Variants in NSD2 observed in about 807,000 individuals in gnomAD.
NSD2 encodes histone-lysine N-methyltransferase NSD2.
A neutral mutation model predicts 139.0 loss-of-function variants in NSD2; 12 were observed. The observed-to-expected ratio is 0.09, with a 90% CI of 0.06 to 0.14. The LOEUF is 0.14. Ranked by LOEUF, NSD2 falls within the 10% of genes least tolerant of loss-of-function variation. The probability of loss-of-function intolerance (pLI) is 1.00; values close to 1 mark genes in which losing one functional copy is unlikely to be tolerated. For missense variants in NSD2, 1,155 were observed against 1,745.0 expected (o/e 0.66, Z 6.02); for synonymous variants, 669 against 648.7 (o/e 1.03, Z -0.48).
chr4:1,951,306 TC>T, intron 10 of NSD2, 103 bp downstream of exon 10: 1 of 1,487,280 alleles, frequency 6.7e-7, no homozygotes, highest in Non-Finnish European at 9.2e-7. Flanking sequence ...CCAGACCCCT[TC>T]CCCAATCTCA....
intron 1 of NSD2, among the ~76,000 whole-genome samples, chr4:1,878,525 G>A (rs879821184): frequency 1.3e-4 from 20 of 151,996 alleles, no homozygotes; most frequent in Non-Finnish European, 2.2e-4. Context: ...TGGGTCATCT[G>A]TGAAGGCAGG....
chr4:1,890,552 C>T lies in NSD2; in HGVS notation c.-29-10074C>T, dbSNP rs576373946. 4.0e-5 allele frequency among the ~76,000 whole-genome samples: 6 copies of T among 151,622 alleles called. No individual in the cohort carries two copies. In the South Asian group the frequency reaches 8.3e-4, roughly 21 times the overall value. On this transcript the variant is annotated intron_variant, in intron 1 of 21. Coordinates refer to ENST00000508803, the MANE Select transcript of NSD2 (RefSeq NM_001042424.3). ...TCCTGACCTCGTGATCCGCCCACCT[C>T]GGCCTCCCAAAGTGCTGGGATTACA...
intron 5 of NSD2, among the ~76,000 whole-genome samples, chr4:1,920,811 A>G (rs1367253562): frequency 3.3e-5 from 5 of 151,666 alleles, no homozygotes; most frequent in Admixed American, 3.3e-4. Flanking sequence ...AGGCAGGAGG[A>G]TTGCTTGAGC....
At chr4:1,951,313 TCTCACCGTCA>T in intron 10 of NSD2, 110 bp downstream of exon 10, 1 of 1,447,526 alleles carries the variant, frequency 6.9e-7, no homozygotes, top group Non-Finnish European at 9.4e-7. Flanking sequence ...CCTTCCCCAA[TCTCACCGTCA>T]CTCACTCATC....
chr4:1,955,418 G>C lies in NSD2; in HGVS notation c.2518+78G>C. ...ACATATCAAGGCAGGCTCATTCCTT[G>C]TCTGCGCTGTGTTCATTGATGTTGA... is the stretch of plus-strand genomic sequence containing the variant. On this transcript the variant is annotated intron_variant, in intron 13 of 21. Transcript: ENST00000508803. The surrounding 1 kb of genome is among the most constrained non-coding windows in gnomAD (Gnocchi z 4.7). 2 of 1,497,678 alleles carry C rather than the reference G, an allele frequency of 1.3e-6. No homozygotes were observed. Among genetic ancestry groups the C allele is most frequent in the Admixed American group, 4.2e-5 (2 of 48,094 alleles). 92.8% of individuals were successfully genotyped at this position (1,497,678 alleles called of 1,614,324 possible). A position where few individuals can be genotyped will look rare whatever the true frequency, so the allele number is the denominator to read the frequency against.
chr4:1,978,672 G>A lies in NSD2; in HGVS notation c.3861G>A (p.Val1287=), dbSNP rs1045116541. ...AATGTCCTTGGCATCATTGTGACGT[G>A]TGTGGCAAACCTTCGACTTCATTTT... The part of the protein sequence containing the change: ...KWECPWHHCD[V]CGKPSTSFCH... The change falls in exon 22 of 22, where the codon GTG becomes GTA. Residue 1287 remains valine (V), a synonymous_variant. Transcript: ENST00000508803. 3.1e-6 allele frequency: 5 copies of A among 1,613,568 alleles called. No individual in the cohort carries two copies. The highest frequency in any genetic ancestry group is 1.7e-5 in the Admixed American group (1 of 59,978).
chr4:1,930,587 G>A lies in NSD2; in HGVS notation c.1411-39G>A, dbSNP rs370570904. The A allele has an allele frequency of 3.7e-5, 58 of 1,556,872 alleles. 1 individual carries two copies. In the African/African-American group the frequency reaches 6.8e-4, roughly 18 times the overall value. The stretch of plus-strand genomic sequence containing the variant: ...CAAAACAAAACCCAATGAGTTTTAC[G>A]GATTTAACTTCTCATTGCACCTTCT... On this transcript the variant is annotated intron_variant, in intron 5 of 21. Transcript: ENST00000508803.
At chr4:1,906,118 T>C (rs749440424) in intron 3 of NSD2, among the ~76,000 whole-genome samples, 1 of 152,224 alleles carries the variant, frequency 6.6e-6, no homozygotes, top group Non-Finnish European at 1.5e-5. Context: ...GATTTCCTTT[T>C]TAGTGTCTGG....
chr4:1,970,026 C>A (rs550362594), intron 18 of NSD2, among the ~76,000 whole-genome samples: 1 of 151,962 alleles, frequency 6.6e-6, no homozygotes, highest in Non-Finnish European at 1.5e-5. Flanking sequence ...GCTGAAAGAA[C>A]CTGGGAAAGA....
rs35256815 is a variant in NSD2 at position 1,969,541 on chromosome 4, T to TA, written c.3373-5305dup. On this transcript the variant is annotated intron_variant, in intron 18 of 21. Transcript: ENST00000508803. ...CAACACAGCAAGGCCTTGTCTCTAC[T>TA]AAAAAAAAAAAAAAAAATAGCTGGG... Among the ~76,000 whole-genome samples the TA allele has an allele frequency of 4.8e-3, 634 of 132,642 alleles. 1 individual carries two copies. Among genetic ancestry groups the TA allele is most frequent in the South Asian group, 0.011 (44 of 4,068 alleles). 87.0% of individuals were successfully genotyped at this position (132,642 alleles called of 152,430 possible).
At chr4:1,968,518 G>A (rs998979018) in intron 18 of NSD2, among the ~76,000 whole-genome samples, 2 of 151,984 alleles carry the variant, frequency 1.3e-5, no homozygotes, top group African/African-American at 2.4e-5. Context: ...AGAAGTGGAA[G>A]GTGTAACTTC....
Position 1,936,207 on chromosome 4 carries a change from C to T in NSD2, c.1674+945C>T, listed in dbSNP as rs565188163. On this transcript the variant is annotated intron_variant, in intron 7 of 21. Coordinates refer to ENST00000508803, the MANE Select transcript of NSD2 (RefSeq NM_001042424.3). ...GGAGTGAAACCAACCAAGGAAACACCGGGTTATTCTGTCTAGCGTATGGTG... is the reference window on the plus strand; with the variant it reads ...GGAGTGAAACCAACCAAGGAAACACTGGGTTATTCTGTCTAGCGTATGGTG... Among the ~76,000 whole-genome samples the T allele has an allele frequency of 4.6e-5, 7 of 152,248 alleles. No homozygotes were observed. The East Asian group carries it at 7.7e-4, about 17-fold the overall frequency.
chr4:1,915,167 G>A (rs901117400), intron 3 of NSD2, among the ~76,000 whole-genome samples: 1 of 136,826 alleles, frequency 7.3e-6, no homozygotes, highest in African/African-American at 2.8e-5. Flanking sequence ...CCAGGCTGGA[G>A]TGCAGTGGCG....
chr4:1,915,030 AT>A (rs1471262866), intron 3 of NSD2, among the ~76,000 whole-genome samples: 4 of 142,748 alleles, frequency 2.8e-5, no homozygotes, highest in Non-Finnish European at 6.2e-5. Context: ...GGAAATAGGT[AT>A]TTTTCATCTT....
In NSD2 at chr4:1,955,350, C is replaced by G. The variant is rs367943032; in HGVS notation, c.2518+10C>G. The stretch of plus-strand genomic sequence containing the variant: ...TTCGTGTGCTCCAAAGGTGAGGGGC[C>G]TGGGGGTGTCTGCGGCACACGCCTC... On this transcript the variant is annotated intron_variant, in intron 13 of 21. Coordinates refer to ENST00000508803, the MANE Select transcript of NSD2 (RefSeq NM_001042424.3). This position sits in a 1 kb window ranked among gnomAD's most constrained non-coding sequence, Gnocchi z 4.7. 6.2e-7 allele frequency: 1 copy of G among 1,602,730 alleles called. No individual in the cohort carries two copies. The highest frequency in any genetic ancestry group is 8.5e-7 in the Non-Finnish European group (1 of 1,172,358).
In NSD2 at chr4:1,956,942, A is replaced by C. The variant is rs540871147; in HGVS notation, c.2881+754A>C. On this transcript the variant is annotated intron_variant, in intron 15 of 21. Transcript: ENST00000508803. The surrounding 1 kb of genome is among the most constrained non-coding windows in gnomAD (Gnocchi z 5.3). ...TGAGTGGTAGGAGTGCATGGTGGGC[A>C]TTCAGAGATCTCATAAAGAATGGGT... Among the ~76,000 whole-genome samples the C allele has an allele frequency of 6.6e-6, 1 of 152,364 alleles. No homozygotes were observed. Among genetic ancestry groups the C allele is most frequent in the Admixed American group, 6.5e-5 (1 of 15,306 alleles).
chr4:1,957,063 C>T (rs1724889760), intron 15 of NSD2, among the ~76,000 whole-genome samples: 1 of 152,196 alleles, frequency 6.6e-6, no homozygotes, highest in African/African-American at 2.4e-5. Flanking sequence ...AGTCTCCTAA[C>T]TGTGGATGCA....
chr4:1,934,880 T>TAC (rs1722180162), intron 6 of NSD2, among the ~76,000 whole-genome samples: 1 of 55,316 alleles, frequency 1.8e-5, no homozygotes, highest in Admixed American at 1.8e-4. Context: ...AAAAAAAAAA[T>TAC]ATATATATAT....
chr4:1,969,945 C>G (rs547863996), intron 18 of NSD2, among the ~76,000 whole-genome samples: 32 of 152,244 alleles, frequency 2.1e-4, no homozygotes, highest in African/African-American at 6.7e-4. Context: ...GCCTAAACCT[C>G]AAGGAACACA....
Sources: allele counts gnomAD v4.1 joint callset (sites outside exome capture counted in the v4.1 genomes callset), GRCh38; gene constraint gnomAD v4.1.1; non-coding constraint Gnocchi (gnomAD v3.1); transcripts MANE v1.5; gene names NCBI Gene and HGNC (gene_info 2026-07-23, HGNC 2026-07-21).